The following SIPA1L1 variants were observed in gnomAD, a reference collection of about 807,000 sequenced individuals.
SIPA1L1 encodes signal-induced proliferation-associated 1-like protein 1.
Under a neutral mutation model 162.7 loss-of-function variants are expected in SIPA1L1, and 26 were observed. That is an observed-to-expected ratio of 0.16 (90% CI 0.12 to 0.22). The LOEUF (loss-of-function observed/expected upper bound fraction) is 0.22, where lower values mean the gene tolerates loss of function less well. Among genes scored for constraint, SIPA1L1 ranks in the 10% least tolerant of loss-of-function variants. The pLI is 1.00. For missense variants in SIPA1L1, 1,874 were observed against 2,241.0 expected (o/e 0.84, Z 3.31); for synonymous variants, 829 against 837.4 (o/e 0.99, Z 0.17).
intron 22 of SIPA1L1, 30 bp from the exon 23 acceptor site, chr14:71,738,211 C>A: frequency 1.4e-6 from 2 of 1,387,196 alleles, no homozygotes; most frequent in Admixed American, 1.9e-5. Flanking sequence ...GAGGCCCCTG[C>A]CAACATGGTC....
At chr14:71,619,757 T>G (rs921863786) in intron 6 of SIPA1L1, among the ~76,000 whole-genome samples, 1 of 152,174 alleles carries the variant, frequency 6.6e-6, no homozygotes, top group East Asian at 1.9e-4. Flanking sequence ...TTGGCTTCAT[T>G]TCCCCCATTG....
intron 19 of SIPA1L1, among the ~76,000 whole-genome samples, chr14:71,729,548 C>G (rs2084562825): frequency 6.6e-6 from 1 of 152,188 alleles, no homozygotes; most frequent in African/African-American, 2.4e-5. Context: ...AGGATACCCT[C>G]TTGGCACTGT....
At position 71,377,648 on chromosome 14, in the gene SIPA1L1, C is replaced by T. The variant is rs1024190962; in HGVS notation, c.-465+56467C>T. 7.2e-5 allele frequency among the ~76,000 whole-genome samples: 11 copies of T among 152,144 alleles called. No individual in the cohort carries two copies. The highest frequency in any genetic ancestry group is 1.0e-4 in the Non-Finnish European group (7 of 68,022). On this transcript the variant is annotated intron_variant, in intron 2 of 23. Transcript: ENST00000381232. The surrounding 1 kb of genome is among the most constrained non-coding windows in gnomAD (Gnocchi z 4.8). Reference sequence around the variant, plus strand: ...GGCGGCTGGGAGGTGGAGGTTGTAGCGAGCTGAGATCACGCCACTGCACTC... The same window carrying T: ...GGCGGCTGGGAGGTGGAGGTTGTAGTGAGCTGAGATCACGCCACTGCACTC...
chr14:71,623,578 G>C (rs1347567970), intron 6 of SIPA1L1, among the ~76,000 whole-genome samples: 1 of 152,174 alleles, frequency 6.6e-6, no homozygotes, highest in Non-Finnish European at 1.5e-5. Flanking sequence ...AATAGTTTAT[G>C]CTTGTCAGCC....
intron 18 of SIPA1L1, 77 bp from the exon 19 acceptor site, chr14:71,724,593 C>G: frequency 1.7e-6 from 2 of 1,152,980 alleles, no homozygotes; most frequent in Non-Finnish European, 2.5e-6. Context: ...TATTGACTTA[C>G]ATCCTTTAGA....
intron 4 of SIPA1L1, among the ~76,000 whole-genome samples, chr14:71,538,778 G>A (rs1448919473): frequency 1.3e-5 from 2 of 152,176 alleles, no homozygotes; most frequent in East Asian, 1.9e-4. Context: ...ATACAAGACG[G>A]CAAAGTAGTC....
chr14:71,367,631 A>G (rs2038459736), intron 2 of SIPA1L1, among the ~76,000 whole-genome samples: 1 of 118,734 alleles, frequency 8.4e-6, no homozygotes, highest in Non-Finnish European at 1.7e-5. Flanking sequence ...TTTTGGAGAC[A>G]GGTTTGCTCT....
intron 2 of SIPA1L1, among the ~76,000 whole-genome samples, chr14:71,459,749 C>G (rs1349649917): frequency 1.3e-5 from 2 of 152,124 alleles, no homozygotes; most frequent in African/African-American, 4.8e-5. Flanking sequence ...CTTTCCCAGC[C>G]CATTGACTCA....
intron 2 of SIPA1L1, among the ~76,000 whole-genome samples, chr14:71,327,914 G>A (rs1245846753): frequency 1.3e-5 from 2 of 152,156 alleles, no homozygotes; most frequent in African/African-American, 4.8e-5. Flanking sequence ...GTTTGTTTGT[G>A]TAGTGGGGGG....
intron 2 of SIPA1L1, among the ~76,000 whole-genome samples, chr14:71,420,492 A>T (rs2043106954): frequency 6.6e-6 from 1 of 152,202 alleles, no homozygotes; most frequent in Non-Finnish European, 1.5e-5. Flanking sequence ...AAAATCTTGG[A>T]TGTTCTTAAT....
chr14:71,455,653 G>C (rs1040831743), intron 2 of SIPA1L1, among the ~76,000 whole-genome samples: 7 of 152,088 alleles, frequency 4.6e-5, no homozygotes, highest in Non-Finnish European at 7.4e-5. Flanking sequence ...TTGGCATGTA[G>C]TATTTAATCT....
At chr14:71,535,956 C>G (rs1210842059) in intron 4 of SIPA1L1, among the ~76,000 whole-genome samples, 1 of 152,142 alleles carries the variant, frequency 6.6e-6, no homozygotes. Context: ...TATCTGTCCC[C>G]TGCTACATCT....
At chr14:71,611,881 T>C (rs2038263580) in intron 5 of SIPA1L1, among the ~76,000 whole-genome samples, 1 of 152,254 alleles carries the variant, frequency 6.6e-6, no homozygotes, top group East Asian at 1.9e-4. Flanking sequence ...CATGTGTATG[T>C]CTAATGAAAA....
At chr14:71,453,872 T>C (rs1435967823) in intron 2 of SIPA1L1, among the ~76,000 whole-genome samples, 1 of 151,960 alleles carries the variant, frequency 6.6e-6, no homozygotes, top group Non-Finnish European at 1.5e-5. Context: ...CTCACTCGTG[T>C]AATCCCATCT....
intron 2 of SIPA1L1, among the ~76,000 whole-genome samples, chr14:71,509,402 T>C (rs536639958): frequency 2.0e-5 from 3 of 152,336 alleles, no homozygotes; most frequent in South Asian, 4.1e-4. Context: ...TGGAGCTCCA[T>C]TGTGCATGGC....
intron 4 of SIPA1L1, among the ~76,000 whole-genome samples, chr14:71,567,972 C>T (rs952754983): frequency 2.0e-5 from 3 of 152,194 alleles, no homozygotes; most frequent in African/African-American, 7.2e-5. Flanking sequence ...TTTTAGCATG[C>T]TAATGTATTA....
intron 2 of SIPA1L1, among the ~76,000 whole-genome samples, chr14:71,361,963 T>A (rs1205767147): frequency 6.6e-6 from 1 of 152,196 alleles, no homozygotes; most frequent in Non-Finnish European, 1.5e-5. Context: ...CTAGCTAATT[T>A]AGTAGCTTTA....
intron 7 of SIPA1L1, among the ~76,000 whole-genome samples, chr14:71,635,275 A>G (rs1443889176): frequency 6.6e-6 from 1 of 152,214 alleles, no homozygotes; most frequent in East Asian, 1.9e-4. Flanking sequence ...GCGAAACTCC[A>G]TCTCAAAACA....
intron 12 of SIPA1L1, among the ~76,000 whole-genome samples, chr14:71,672,886 A>C (rs2149385736): frequency 6.6e-6 from 1 of 152,332 alleles, no homozygotes; most frequent in East Asian, 1.9e-4. Flanking sequence ...CAGATAGAGA[A>C]GTCTGGTAAT....
Sources: gnomAD v4.1 joint callset for allele counts (sites outside exome capture counted in the v4.1 genomes callset) on GRCh38, gnomAD v4.1.1 for gene constraint, Gnocchi (gnomAD v3.1) non-coding constraint, MANE v1.5 for transcripts, NCBI Gene and HGNC (gene_info 2026-07-23, HGNC 2026-07-21) for gene names.